Variants in MDGA2 observed in about 807,000 individuals in gnomAD.
The protein encoded by MDGA2 is MAM domain containing glycosylphosphatidylinositol anchor 2.
In MDGA2, 40 loss-of-function variants were observed where a neutral mutation model predicts 117.8. The ratio of observed to expected loss-of-function variants is 0.34; its 90% CI spans 0.26 to 0.44. The LOEUF (loss-of-function observed/expected upper bound fraction) is 0.44, where lower values mean the gene tolerates loss of function less well. Among genes scored for constraint, MDGA2 ranks in the 20% least tolerant of loss-of-function variants. The pLI, the probability that MDGA2 is intolerant of heterozygous loss-of-function variation, is 1.00. For synonymous variants in MDGA2, 452 were observed against 439.0 expected, an observed-to-expected ratio of 1.03 and a Z score of -0.37; for missense variants, 1,123 against 1,250.6, an observed-to-expected ratio of 0.90 and a Z score of 1.54.
chr14:47,092,862 C>A (rs887691182), intron 6 of MDGA2, among the ~76,000 whole-genome samples: 1 of 151,974 alleles, frequency 6.6e-6, no homozygotes, highest in South Asian at 2.1e-4. Flanking sequence ...GGGTATAGCA[C>A]AAGATGTTCA....
At chr14:47,037,012 C>T (rs1331375883) in intron 7 of MDGA2, among the ~76,000 whole-genome samples, 3 of 152,262 alleles carry the variant, frequency 2.0e-5, no homozygotes, top group African/African-American at 7.2e-5. Context: ...ATGTTTAAAA[C>T]GGCTCCATTT....
chr14:47,046,133 C>T (rs1889256064), intron 7 of MDGA2, among the ~76,000 whole-genome samples: 1 of 149,994 alleles, frequency 6.7e-6, no homozygotes, highest in Non-Finnish European at 1.5e-5. Context: ...TGCACATGTA[C>T]CCTAAAACTT....
At chr14:47,264,102 T>G (rs1262508825) in intron 2 of MDGA2, among the ~76,000 whole-genome samples, 2 of 152,154 alleles carry the variant, frequency 1.3e-5, no homozygotes, top group Non-Finnish European at 2.9e-5. Context: ...TGTAATAATT[T>G]AATAACTGCA....
intron 7 of MDGA2, among the ~76,000 whole-genome samples, chr14:47,048,418 A>C (rs6572397): frequency 0.81 from 123,477 of 151,904 alleles, 50,390 homozygotes; most frequent in East Asian, 0.98. Context: ...CAGTGGTAAA[A>C]TCCTCAACGC....
At chr14:47,370,485 T>G (rs1891326251) in intron 1 of MDGA2, among the ~76,000 whole-genome samples, 1 of 80,958 alleles carries the variant, frequency 1.2e-5, no homozygotes, top group South Asian at 4.4e-4. Flanking sequence ...TTTTTTTTTT[T>G]TTTTTTTTTT....
intron 9 of MDGA2, among the ~76,000 whole-genome samples, chr14:46,939,331 A>C (rs962803739): frequency 6.6e-6 from 1 of 152,192 alleles, no homozygotes; most frequent in African/African-American, 2.4e-5. Flanking sequence ...CTATGATTTG[A>C]TCACTACATA....
intron 10 of MDGA2, among the ~76,000 whole-genome samples, chr14:46,901,345 TAA>T (rs1477366820): frequency 5.9e-5 from 9 of 152,062 alleles, no homozygotes; most frequent in Middle Eastern, 3.4e-3. Context: ...ATAATAAAAT[TAA>T]AAAGAGTATC....
chr14:47,131,845 C>A lies in MDGA2; in HGVS notation c.794G>T (p.Gly265Val). The A allele has an allele frequency of 6.4e-7, 1 of 1,564,878 alleles. No individual in the cohort carries two copies. The highest frequency in any genetic ancestry group is 1.7e-5 in the Admixed American group (1 of 57,882). Residue 265 changes from glycine to valine, a missense_variant and splice_region_variant, in exon 5 of 17, where the codon GGT becomes GTT. By Grantham distance (109) the Gly-to-Val change is moderately radical. This residue lies in a region of MDGA2 where 890 missense variants were observed against 1,050.3 expected (regional missense o/e 0.85). Transcript: ENST00000399232. ...CTTTAGTTTTAAGATCTTTGTTTCA[C>A]CCTGAAAATGTACACAAAAAATAAA... is the stretch of plus-strand genomic sequence containing the variant. The part of the protein sequence containing the change: ...VEIYEPFFTQ[G>V]ETKILKLKNL...
At chr14:47,203,987 T>C (rs1196252624) in intron 3 of MDGA2, among the ~76,000 whole-genome samples, 4 of 151,902 alleles carry the variant, frequency 2.6e-5, no homozygotes, top group African/African-American at 7.2e-5. Context: ...TAAGAAAAAT[T>C]TGAGTTGGCA....
chr14:47,104,661 C>T (rs1880541574), intron 5 of MDGA2, among the ~76,000 whole-genome samples: 1 of 152,104 alleles, frequency 6.6e-6, no homozygotes, highest in Admixed American at 6.5e-5. Context: ...GTGGTCTCTT[C>T]ACACGGACGT....
chr14:47,143,362 A>G (rs1311444135), intron 4 of MDGA2, among the ~76,000 whole-genome samples: 2 of 152,090 alleles, frequency 1.3e-5, no homozygotes, highest in Non-Finnish European at 2.9e-5. Context: ...AAACTTTTTC[A>G]TTGTTAATTT....
intron 1 of MDGA2, among the ~76,000 whole-genome samples, chr14:47,333,258 C>A (rs1890344310): frequency 6.6e-6 from 1 of 151,868 alleles, no homozygotes; most frequent in Non-Finnish European, 1.5e-5. Context: ...CATTTCCCAC[C>A]AACAATGTAA....
chr14:47,488,186 A>G (rs2138647755), intron 1 of MDGA2, among the ~76,000 whole-genome samples: 2 of 152,294 alleles, frequency 1.3e-5, no homozygotes, highest in Middle Eastern at 6.8e-3. Context: ...CAGATGTATG[A>G]GTCGACATAT....
At chr14:47,159,580 C>T (rs1398110410) in intron 3 of MDGA2, among the ~76,000 whole-genome samples, 1 of 152,178 alleles carries the variant, frequency 6.6e-6, no homozygotes, top group East Asian at 1.9e-4. Context: ...TCACCACAAG[C>T]ATATGAGTAT....
At chr14:46,976,760 T>C (rs1228809433) in intron 8 of MDGA2, among the ~76,000 whole-genome samples, 1 of 151,956 alleles carries the variant, frequency 6.6e-6, no homozygotes, top group Non-Finnish European at 1.5e-5. Context: ...ACTTTTTTTC[T>C]CATATTTTTC....
In MDGA2 at chr14:47,053,654, T is replaced by TACACAC. The variant is rs746996959; in HGVS notation, c.1525+7589_1525+7594dup. Among the ~76,000 whole-genome samples the TACACAC allele has an allele frequency of 5.7e-3, 379 of 67,014 alleles. 2 individuals carry two copies. Among genetic ancestry groups the TACACAC allele is most frequent in the Admixed American group, 0.018 (112 of 6,152 alleles). 44.0% of individuals were successfully genotyped at this position (67,014 alleles called of 152,430 possible). On this transcript the variant is annotated intron_variant, in intron 7 of 16. Transcript: ENST00000399232. ...ATATATATATATATATATATATATA[T>TACACAC]ACACACACACACACACATATATATA...
intron 2 of MDGA2, among the ~76,000 whole-genome samples, chr14:47,281,254 C>A (rs971871272): frequency 6.6e-6 from 1 of 151,540 alleles, no homozygotes; most frequent in Non-Finnish European, 1.5e-5. Flanking sequence ...ATGACATGAC[C>A]ATTAAGTATC....
chr14:46,913,748 T>TC (rs568926993), intron 10 of MDGA2, among the ~76,000 whole-genome samples: 7 of 152,182 alleles, frequency 4.6e-5, no homozygotes, highest in Non-Finnish European at 1.0e-4. Context: ...CTTGCCCCAC[T>TC]ACCTGGCAGT....
intron 1 of MDGA2, among the ~76,000 whole-genome samples, chr14:47,650,710 GA>G (rs1490347654): frequency 6.6e-6 from 1 of 151,746 alleles, no homozygotes; most frequent in Non-Finnish European, 1.5e-5. Context: ...ATAAATGAAT[GA>G]ATTAACACAA....
Sources: gnomAD v4.1 joint callset for allele counts (sites outside exome capture counted in the v4.1 genomes callset) on GRCh38, gnomAD v4.1.1 for gene constraint, gnomAD v4.1.1 regional missense constraint, MANE v1.5 for transcripts, NCBI Gene and HGNC (gene_info 2026-07-23, HGNC 2026-07-21) for gene names.